Variants in RAP1A observed in about 807,000 individuals in gnomAD.
The protein encoded by RAP1A is RAP1A, member of RAS oncogene family.
RAP1A carries 6 observed loss-of-function variants against 26.4 expected under a neutral mutation model. That is an observed-to-expected ratio of 0.23 (90% CI 0.12 to 0.45). The LOEUF (loss-of-function observed/expected upper bound fraction) is 0.45, where lower values mean the gene tolerates loss of function less well. RAP1A is among the 20% of genes least tolerant of loss of function. RAP1A has a pLI of 0.99. For missense variants in RAP1A, 121 were observed against 217.2 expected (o/e 0.56, Z 2.78); for synonymous variants, 73 against 79.4 (o/e 0.92, Z 0.43).
intron 1 of RAP1A, chr1:111,648,694 T>C (rs750512458): frequency 1.3e-4 from 71 of 560,084 alleles, no homozygotes; most frequent in Non-Finnish European, 2.0e-4. Flanking sequence ...CTCAGCTCTG[T>C]GAGCGTCATC....
intron 1 of RAP1A, among the ~76,000 whole-genome samples, chr1:111,689,457 ATTG>A (rs1169509933): frequency 3.3e-5 from 5 of 151,950 alleles, no homozygotes; most frequent in Non-Finnish European, 7.4e-5. Flanking sequence ...TATTTAATAT[ATTG>A]TTAATACCCT....
chr1:111,568,890 C>G (rs1657981239), intron 1 of RAP1A, among the ~76,000 whole-genome samples: 1 of 152,142 alleles, frequency 6.6e-6, no homozygotes, highest in Admixed American at 6.5e-5. Flanking sequence ...TGATGATTCA[C>G]TTCCACTTAA....
chr1:111,695,191 A>G, intron 2 of RAP1A, 150 bp from the exon 3 acceptor site: 1 of 488,056 alleles, frequency 2.0e-6, no homozygotes, highest in Non-Finnish European at 3.4e-6. Flanking sequence ...ATGTATCCTT[A>G]TATTGAAAGA....
Position 111,712,998 on chromosome 1 carries a change from A to G in RAP1A, c.*597A>G, listed in dbSNP as rs904783700. 3 of 152,570 alleles carry G rather than the reference A, an allele frequency of 2.0e-5. No homozygotes were observed. Among genetic ancestry groups the G allele is most frequent in the African/African-American group, 7.2e-5 (3 of 41,458 alleles). 9.5% of individuals were successfully genotyped at this position (152,570 alleles called of 1,614,324 possible). A position where few individuals can be genotyped will look rare whatever the true frequency, so the allele number is the denominator to read the frequency against. On this transcript the variant is annotated 3_prime_UTR_variant, in exon 8 of 8. Coordinates refer to ENST00000369709, the MANE Select transcript of RAP1A (RefSeq NM_002884.4). ...AAAAAAACTGGGATAACTGATTTCT[A>G]TGGCTTTCAAAGCTAAAATATATAA... is the stretch of plus-strand genomic sequence containing the variant.
chr1:111,561,848 A>G (rs1465576437), intron 1 of RAP1A, among the ~76,000 whole-genome samples: 1 of 152,040 alleles, frequency 6.6e-6, no homozygotes, highest in Non-Finnish European at 1.5e-5. Flanking sequence ...TCCCACGGCT[A>G]TAGTCCTAAC....
intron 1 of RAP1A, among the ~76,000 whole-genome samples, chr1:111,689,773 C>T (rs965666783): frequency 2.0e-5 from 3 of 152,026 alleles, no homozygotes; most frequent in African/African-American, 4.8e-5. Flanking sequence ...GGGTTCACAC[C>T]GTTCTCCTGC....
intron 1 of RAP1A, among the ~76,000 whole-genome samples, chr1:111,677,046 G>A (rs79670684): frequency 0.061 from 9,256 of 152,120 alleles, 296 homozygotes; most frequent in South Asian, 0.086. Context: ...CGCCTACCTC[G>A]GCCTCCCAAA....
At chr1:111,623,547 C>T (rs1279380967) in intron 1 of RAP1A, among the ~76,000 whole-genome samples, 1 of 152,090 alleles carries the variant, frequency 6.6e-6, no homozygotes, top group Non-Finnish European at 1.5e-5. Flanking sequence ...ACTGGGATTA[C>T]AGGCACGTGC....
Position 111,712,450 on chromosome 1 carries a change from G to C in RAP1A, c.*49G>C, listed in dbSNP as rs189584409. 8.5e-5 allele frequency: 13 copies of C among 152,554 alleles called. No individual in the cohort carries two copies. The highest frequency in any genetic ancestry group is 1.3e-4 in the Admixed American group (2 of 15,296). 9.5% of individuals were successfully genotyped at this position (152,554 alleles called of 1,614,324 possible). A position where few individuals can be genotyped will look rare whatever the true frequency, so the allele number is the denominator to read the frequency against. The stretch of plus-strand genomic sequence containing the variant: ...TCTTAGATTACAGGAATGAAGAACT[G>C]TTGCCTAATTGGAAAGTGCCAGCAT... On this transcript the variant is annotated 3_prime_UTR_variant, in exon 8 of 8. Coordinates refer to ENST00000369709, the MANE Select transcript of RAP1A (RefSeq NM_002884.4).
chr1:111,595,380 G>A (rs1658546933), intron 1 of RAP1A, among the ~76,000 whole-genome samples: 1 of 152,152 alleles, frequency 6.6e-6, no homozygotes. Flanking sequence ...GAAATTGCCT[G>A]ACGTAAGGTC....
At chr1:111,700,933 C>T (rs1028317497) in intron 4 of RAP1A, among the ~76,000 whole-genome samples, 6 of 152,182 alleles carry the variant, frequency 3.9e-5, no homozygotes, top group African/African-American at 1.2e-4. Context: ...CTATCTTGGT[C>T]TAAACAGTTG....
intron 1 of RAP1A, among the ~76,000 whole-genome samples, chr1:111,603,989 T>C (rs910140776): frequency 1.3e-5 from 2 of 152,152 alleles, no homozygotes; most frequent in Non-Finnish European, 2.9e-5. Flanking sequence ...TTCAAGAGTA[T>C]AAAAGGAAAA....
intron 7 of RAP1A, 35 bp downstream of exon 7, chr1:111,709,299 ATGCTCCTATTT>A: frequency 1.1e-5 from 17 of 1,534,178 alleles, no homozygotes; most frequent in Non-Finnish European, 1.5e-5. Flanking sequence ...TGCCTTTCTC[ATGCTCCTATTT>A]TGGCTTTTTC....
At chr1:111,637,289 C>A (rs1408435395) in intron 1 of RAP1A, among the ~76,000 whole-genome samples, 2 of 152,054 alleles carry the variant, frequency 1.3e-5, no homozygotes, top group Admixed American at 1.3e-4. Flanking sequence ...TTACTTAAGT[C>A]AAACTCAAGT....
intron 1 of RAP1A, among the ~76,000 whole-genome samples, chr1:111,602,777 T>C (rs1571492165): frequency 6.6e-6 from 1 of 152,202 alleles, no homozygotes; most frequent in African/African-American, 2.4e-5. Flanking sequence ...TAAAGGTGGA[T>C]ACAAATAAGA....
At chr1:111,696,953 A>G (rs180830259) in intron 3 of RAP1A, among the ~76,000 whole-genome samples, 3 of 152,222 alleles carry the variant, frequency 2.0e-5, no homozygotes, top group South Asian at 4.1e-4. Flanking sequence ...TTTACTGTGT[A>G]TTTAATTTTC....
intron 1 of RAP1A, among the ~76,000 whole-genome samples, chr1:111,621,423 G>A (rs1659199890): frequency 6.6e-6 from 1 of 151,946 alleles, no homozygotes; most frequent in Non-Finnish European, 1.5e-5. Context: ...CATATAGTTC[G>A]ATATTCTTTT....
Position 111,695,324 on chromosome 1 carries a change from C to CT in RAP1A, c.58-8dup, listed in dbSNP as rs552633846. The CT allele has an allele frequency of 9.7e-4, 1,413 of 1,455,060 alleles. No individual in the cohort carries two copies. Among genetic ancestry groups the CT allele is most frequent in the Admixed American group, 1.5e-3 (62 of 42,708 alleles). The allele number at this position is 1,455,060 out of a possible 1,614,324, so 90.1% of individuals were successfully genotyped here. On this transcript the variant is annotated splice_polypyrimidine_tract_variant and intron_variant, in intron 2 of 7. Transcript: ENST00000369709. Reference sequence around the variant, plus strand: ...TTTCCTTTAATTTTTTAATATTTCTCTTTTTTTTTCCCCCAGACAGTTCAG... The same window carrying CT: ...TTTCCTTTAATTTTTTAATATTTCTCTTTTTTTTTTCCCCCAGACAGTTCAG...
chr1:111,712,773 C>T lies in RAP1A; in HGVS notation c.*372C>T, dbSNP rs1662424516. On this transcript the variant is annotated 3_prime_UTR_variant, in exon 8 of 8. Transcript: ENST00000369709. ...ATCTTTTTATCATGATCCTCCCTATCAAGCACTAAAAAGTTGAACCATTAT... is the reference window on the plus strand; with the variant it reads ...ATCTTTTTATCATGATCCTCCCTATTAAGCACTAAAAAGTTGAACCATTAT... The T allele has an allele frequency of 6.6e-6, 1 of 152,500 alleles. No homozygotes were observed. Among genetic ancestry groups the T allele is most frequent in the Admixed American group, 6.6e-5 (1 of 15,264 alleles). The allele number at this position is 152,500 out of a possible 1,614,324, so 9.4% of individuals were successfully genotyped here. A position where few individuals can be genotyped will look rare whatever the true frequency, so the allele number is the denominator to read the frequency against.
Sources: allele counts gnomAD v4.1 joint callset (sites outside exome capture counted in the v4.1 genomes callset), GRCh38; gene constraint gnomAD v4.1.1; transcripts MANE v1.5; gene names NCBI Gene and HGNC (gene_info 2026-07-23, HGNC 2026-07-21).